GRM1: variants seen among roughly 807,000 people sequenced by gnomAD.
GRM1 encodes glutamate metabotropic receptor 1, also known as metabotropic glutamate receptor 1.
In GRM1, 33 loss-of-function variants were observed where a neutral mutation model predicts 90.9. That is an observed-to-expected ratio of 0.36 (90% confidence interval 0.28 to 0.49). The LOEUF (loss-of-function observed/expected upper bound fraction) is 0.49, where lower values mean the gene tolerates loss of function less well. Among genes scored for constraint, GRM1 ranks in the 20% least tolerant of loss-of-function variants. The pLI is 0.99. For missense variants in GRM1, 1,190 were observed against 1,534.3 expected (o/e 0.78, Z 3.75); for synonymous variants, 700 against 613.2 (o/e 1.14, Z -2.09).
intron 2 of GRM1, among the ~76,000 whole-genome samples, chr6:146,191,692 C>G (rs1216870705): frequency 6.6e-6 from 1 of 152,060 alleles, no homozygotes; most frequent in Non-Finnish European, 1.5e-5. Flanking sequence ...TGTGTGATCT[C>G]TTTTGCTTTT....
intron 7 of GRM1, among the ~76,000 whole-genome samples, chr6:146,403,525 GT>G (rs564072332): frequency 1.3e-5 from 2 of 151,424 alleles, no homozygotes; most frequent in South Asian, 2.1e-4. Context: ...GAGTATTTGA[GT>G]TTTTTTTTAA....
chr6:146,143,132 C>A (rs1776951619), intron 1 of GRM1, among the ~76,000 whole-genome samples: 1 of 152,168 alleles, frequency 6.6e-6, no homozygotes, highest in South Asian at 2.1e-4. Context: ...AGGACTGGGT[C>A]CTTCCCTTCA....
chr6:146,059,214 A>T (rs747377547), intron 1 of GRM1, among the ~76,000 whole-genome samples: 109 of 152,158 alleles, frequency 7.2e-4, no homozygotes, highest in Admixed American at 1.4e-3. Flanking sequence ...ATAAGACTTG[A>T]AAGTCAAAAT....
chr6:146,390,152 T>C (rs1384588951), intron 6 of GRM1, among the ~76,000 whole-genome samples: 1 of 152,070 alleles, frequency 6.6e-6, no homozygotes, highest in African/African-American at 2.4e-5. Flanking sequence ...AAGTAAAATA[T>C]ACTTTTTATT....
chr6:146,052,679 T>C (rs34358087), intron 1 of GRM1, among the ~76,000 whole-genome samples: 5,585 of 152,158 alleles, frequency 0.037, 150 homozygotes, highest in Non-Finnish European at 0.055. Context: ...TTTCTTCAGC[T>C]ATTTTTGTGG....
chr6:146,147,978 A>T (rs1216661613), intron 1 of GRM1, among the ~76,000 whole-genome samples: 2 of 152,230 alleles, frequency 1.3e-5, no homozygotes, highest in South Asian at 4.1e-4. Context: ...AGAAATCTGT[A>T]TGTATTACAC....
intron 1 of GRM1, among the ~76,000 whole-genome samples, chr6:146,135,271 ACT>A (rs951243685): frequency 3.9e-5 from 6 of 151,900 alleles, no homozygotes; most frequent in African/African-American, 1.5e-4. Flanking sequence ...TGAGCCCAGG[ACT>A]CTCTGCTGCC....
chr6:146,114,875 A>C (rs1775684473), intron 1 of GRM1, among the ~76,000 whole-genome samples: 1 of 152,092 alleles, frequency 6.6e-6, no homozygotes, highest in African/African-American at 2.4e-5. Flanking sequence ...AAATAATAAG[A>C]AATTTAGATT....
intron 2 of GRM1, among the ~76,000 whole-genome samples, chr6:146,241,424 T>C (rs1034383584): frequency 6.6e-6 from 1 of 152,130 alleles, no homozygotes; most frequent in Non-Finnish European, 1.5e-5. Context: ...AAGGGAATAA[T>C]ATTGAATTGA....
At chr6:146,342,674 A>ATTTT (rs1427221182) in intron 3 of GRM1, among the ~76,000 whole-genome samples, 1 of 152,248 alleles carries the variant, frequency 6.6e-6, no homozygotes, top group East Asian at 1.9e-4. Context: ...AGAACAGCAC[A>ATTTT]TGTAAAGCAC....
At chr6:146,251,457 A>G (rs1007556002) in intron 2 of GRM1, among the ~76,000 whole-genome samples, 1 of 152,218 alleles carries the variant, frequency 6.6e-6, no homozygotes, top group Admixed American at 6.5e-5. Context: ...TAGAGAAAGT[A>G]GATCATATAT....
intron 1 of GRM1, among the ~76,000 whole-genome samples, chr6:146,098,979 A>G (rs1475213107): frequency 6.6e-6 from 1 of 152,182 alleles, no homozygotes; most frequent in Admixed American, 6.5e-5. Context: ...CAGTGTGAAA[A>G]TGGACTAATA....
chr6:146,429,705 G>A (rs772821829), intron 7 of GRM1, among the ~76,000 whole-genome samples: 20 of 152,252 alleles, frequency 1.3e-4, no homozygotes, highest in African/African-American at 3.6e-4. Context: ...GAACTGTCCC[G>A]AAGTCTGTGC....
chr6:146,180,469 A>T (rs2114543020), intron 2 of GRM1, among the ~76,000 whole-genome samples: 1 of 152,278 alleles, frequency 6.6e-6, no homozygotes, highest in East Asian at 1.9e-4. Context: ...TTAAAAGCAG[A>T]GGAACTTTTT....
At chr6:146,370,567 G>A (rs887539285) in intron 5 of GRM1, among the ~76,000 whole-genome samples, 1 of 151,752 alleles carries the variant, frequency 6.6e-6, no homozygotes, top group Non-Finnish European at 1.5e-5. Context: ...TTCAATAATC[G>A]GGTCTTTCCA....
chr6:146,176,346 T>C (rs1476033304), intron 2 of GRM1, among the ~76,000 whole-genome samples: 1 of 152,110 alleles, frequency 6.6e-6, no homozygotes, highest in Non-Finnish European at 1.5e-5. Flanking sequence ...CTTTAAGTCA[T>C]GATGTGTTAT....
intron 3 of GRM1, among the ~76,000 whole-genome samples, chr6:146,318,174 C>A (rs1784042487): frequency 6.6e-6 from 1 of 152,074 alleles, no homozygotes; most frequent in South Asian, 2.1e-4. Context: ...CAACAGGCCC[C>A]AGTGTGTGAT....
At chr6:146,077,239 C>T (rs1481924497) in intron 1 of GRM1, among the ~76,000 whole-genome samples, 1 of 152,156 alleles carries the variant, frequency 6.6e-6, no homozygotes, top group African/African-American at 2.4e-5. Flanking sequence ...GGTTCAAATA[C>T]AAACATGAGC....
chr6:146,042,192 A>G (rs1469604068), intron 1 of GRM1, among the ~76,000 whole-genome samples: 1 of 151,978 alleles, frequency 6.6e-6, no homozygotes, highest in Non-Finnish European at 1.5e-5. Context: ...ATTTTGGGGG[A>G]CGTTCAGACC....
Sources: allele counts gnomAD v4.1 joint callset (sites outside exome capture counted in the v4.1 genomes callset), GRCh38; gene constraint gnomAD v4.1.1; transcripts MANE v1.5; gene names NCBI Gene and HGNC (gene_info 2026-07-23, HGNC 2026-07-21).